Variants in GNG12 observed in about 807,000 individuals in gnomAD.
GNG12 encodes the protein guanine nucleotide-binding protein G(I)/G(S)/G(O) subunit gamma-12.
For synonymous variants in GNG12, 28 were observed against 29.7 expected, an observed-to-expected ratio of 0.94 and a Z score of 0.19; for missense variants, 69 against 83.8, an observed-to-expected ratio of 0.82 and a Z score of 0.69.
intron 2 of GNG12, among the ~76,000 whole-genome samples, chr1:67,766,986 G>C (rs544483694): frequency 1.3e-5 from 2 of 152,218 alleles, no homozygotes; most frequent in African/African-American, 4.8e-5. Context: ...ATACAAGGCA[G>C]AAGGCTCAGA....
chr1:67,723,047 T>A (rs1646364875), intron 2 of GNG12, among the ~76,000 whole-genome samples: 1 of 152,250 alleles, frequency 6.6e-6, no homozygotes, highest in Non-Finnish European at 1.5e-5. Flanking sequence ...TTCATCTATC[T>A]ATCAAACATC....
chr1:67,719,455 G>A (rs1441003068), intron 2 of GNG12, among the ~76,000 whole-genome samples: 4 of 152,128 alleles, frequency 2.6e-5, no homozygotes, highest in Non-Finnish European at 5.9e-5. Flanking sequence ...TCTGGTGTGT[G>A]TGCTTATGTT....
At chr1:67,813,382 T>C (rs1465866165) in intron 1 of GNG12, among the ~76,000 whole-genome samples, 2 of 152,148 alleles carry the variant, frequency 1.3e-5, no homozygotes, top group South Asian at 2.1e-4. Flanking sequence ...AGAAAAAAAG[T>C]ATATTTCTCC....
chr1:67,811,789 G>A, intron 1 of GNG12, among the ~76,000 whole-genome samples: 1 of 130,706 alleles, frequency 7.7e-6, no homozygotes, highest in Non-Finnish European at 1.8e-5. Context: ...GAGAGCTGAG[G>A]CTCAGCAGTA....
rs1646215846 is a variant in GNG12, at chr1:67,701,702, T to C, written c.*3749A>G. 1 of 152,610 alleles carries C rather than the reference T, an allele frequency of 6.6e-6. No homozygotes were observed. The highest frequency in any genetic ancestry group is 2.1e-4 in the South Asian group (1 of 4,836). The allele number at this position is 152,610 out of a possible 1,614,324, so 9.5% of individuals were successfully genotyped here. A position where few individuals can be genotyped will look rare whatever the true frequency, so the allele number is the denominator to read the frequency against. On this transcript the variant is annotated 3_prime_UTR_variant, in exon 4 of 4. Transcript: ENST00000370982. ...AGATGCGTAGCCAAAGAATATTACA[T>C]AACAACAAAATCTCATCAATGATAT...
At chr1:67,792,784 A>C (rs1462643467) in intron 1 of GNG12, among the ~76,000 whole-genome samples, 1 of 152,212 alleles carries the variant, frequency 6.6e-6, no homozygotes, top group Non-Finnish European at 1.5e-5. Context: ...AACACTGTGG[A>C]ATATTAAGAC....
intron 2 of GNG12, among the ~76,000 whole-genome samples, chr1:67,759,746 A>G (rs1646591388): frequency 6.6e-6 from 1 of 152,196 alleles, no homozygotes; most frequent in African/African-American, 2.4e-5. Flanking sequence ...CCATGTAACA[A>G]AGAAAACCCT....
rs77943990 is a variant in GNG12, at chr1:67,709,774, G to C, written c.-26-2062C>G. 4.4e-3 allele frequency among the ~76,000 whole-genome samples: 627 copies of C among 141,354 alleles called. 4 individuals carry two copies. Among genetic ancestry groups the C allele is most frequent in the African/African-American group, 0.016 (598 of 37,554 alleles). 92.7% of individuals were successfully genotyped at this position (141,354 alleles called of 152,430 possible). A position where few individuals can be genotyped will look rare whatever the true frequency, so the allele number is the denominator to read the frequency against. Reference sequence around the variant, plus strand: ...CTGAGGAAGTAGGCAACCTCACCCTGAACAGTGTGCAGTGCTCTGACTCAC... The same window carrying C: ...CTGAGGAAGTAGGCAACCTCACCCTCAACAGTGTGCAGTGCTCTGACTCAC... On this transcript the variant is annotated intron_variant, in intron 2 of 3. Coordinates refer to ENST00000370982, the MANE Select transcript of GNG12 (RefSeq NM_018841.6).
At chr1:67,738,872 T>C (rs76311972) in intron 2 of GNG12, among the ~76,000 whole-genome samples, 1 of 152,094 alleles carries the variant, frequency 6.6e-6, no homozygotes, top group African/African-American at 2.4e-5. Flanking sequence ...CAGCAACACC[T>C]TGGCTTTTAA....
chr1:67,765,680 AACT>A (rs1646631930), intron 2 of GNG12, among the ~76,000 whole-genome samples: 1 of 152,242 alleles, frequency 6.6e-6, no homozygotes, highest in African/African-American at 2.4e-5. Flanking sequence ...GTAGTGAAAT[AACT>A]ACTACCTAGT....
chr1:67,721,551 C>T (rs1646356436), intron 2 of GNG12, among the ~76,000 whole-genome samples: 2 of 152,148 alleles, frequency 1.3e-5, no homozygotes, highest in African/African-American at 2.4e-5. Flanking sequence ...AGCTTTTCAA[C>T]AGAAGGATGA....
chr1:67,763,651 GC>G (rs2100743062), intron 2 of GNG12, among the ~76,000 whole-genome samples: 1 of 151,954 alleles, frequency 6.6e-6, no homozygotes, highest in East Asian at 1.9e-4. Flanking sequence ...TCCTGCCTCA[GC>G]CTCCAGGGTA....
At chr1:67,738,589 T>C (rs1171230936) in intron 2 of GNG12, among the ~76,000 whole-genome samples, 1 of 152,114 alleles carries the variant, frequency 6.6e-6, no homozygotes, top group Non-Finnish European at 1.5e-5. Context: ...CATCTCAAAG[T>C]TTACACGTGT....
At chr1:67,793,212 C>T (rs1031521245) in intron 1 of GNG12, among the ~76,000 whole-genome samples, 3 of 152,188 alleles carry the variant, frequency 2.0e-5, no homozygotes, top group African/African-American at 7.2e-5. Flanking sequence ...TTAATCCTGA[C>T]TCATTTGAGA....
chr1:67,756,591 T>C (rs1231638120), intron 2 of GNG12, among the ~76,000 whole-genome samples: 3 of 152,162 alleles, frequency 2.0e-5, no homozygotes, highest in Non-Finnish European at 4.4e-5. Context: ...TAGGGTGTGA[T>C]GGTTTTAACC....
intron 1 of GNG12, among the ~76,000 whole-genome samples, chr1:67,801,594 C>T (rs951280679): frequency 1.3e-5 from 2 of 152,100 alleles, no homozygotes; most frequent in Non-Finnish European, 2.9e-5. Flanking sequence ...TTATACCCAG[C>T]GATACCTGGG....
chr1:67,730,556 A>G (rs1287866706), intron 2 of GNG12, among the ~76,000 whole-genome samples: 1 of 152,096 alleles, frequency 6.6e-6, no homozygotes, highest in African/African-American at 2.4e-5. Flanking sequence ...ATACCATATA[A>G]GTCTATTTAC....
chr1:67,822,601 A>T (rs1646990448), intron 1 of GNG12, among the ~76,000 whole-genome samples: 1 of 152,256 alleles, frequency 6.6e-6, no homozygotes, highest in Admixed American at 6.5e-5. Flanking sequence ...GGAGCTAAAA[A>T]GAAACAGAGC....
intron 1 of GNG12, among the ~76,000 whole-genome samples, chr1:67,801,579 A>G (rs1317837036): frequency 1.3e-5 from 2 of 152,194 alleles, no homozygotes; most frequent in African/African-American, 2.4e-5. Context: ...CGTGCTGTCG[A>G]AAGATTATAC....
Sources: gnomAD v4.1 joint callset for allele counts (sites outside exome capture counted in the v4.1 genomes callset) on GRCh38, gnomAD v4.1.1 for gene constraint, MANE v1.5 for transcripts, NCBI Gene and HGNC (gene_info 2026-07-23, HGNC 2026-07-21) for gene names.